PTPRF: variants seen among roughly 807,000 people sequenced by gnomAD.
PTPRF encodes receptor-type tyrosine-protein phosphatase F.
Under a neutral mutation model 201.8 loss-of-function variants are expected in PTPRF, and 59 were observed. The observed-to-expected ratio is 0.29, with a 90% CI of 0.24 to 0.36. The LOEUF (loss-of-function observed/expected upper bound fraction) is 0.36. PTPRF is among the 10% of genes least tolerant of loss of function. The probability of loss-of-function intolerance (pLI) is 1.00; values close to 1 mark genes in which losing one functional copy is unlikely to be tolerated. For missense variants in PTPRF, 2,132 were observed against 2,690.5 expected (o/e 0.79, Z 4.59); for synonymous variants, 1,088 against 1,089.7 (o/e 1.00, Z 0.03).
rs572007615 is a variant in PTPRF at position 43,613,364 on chromosome 1, G to T, written c.3974-254G>T. ...TCTTCCATCTTGAGAGACCTGCCAG[G>T]CAGGGCCTAGTGCCCCCACTCAGCA... On this transcript the variant is annotated intron_variant, in intron 22 of 33. Transcript: ENST00000359947. 268 of 454,238 alleles carry T rather than the reference G, an allele frequency of 5.9e-4. 1 individual carries two copies. The highest frequency in any genetic ancestry group is 5.0e-3 in the African/African-American group (253 of 50,404). The allele number at this position is 454,238 out of a possible 1,614,324, so 28.1% of individuals were successfully genotyped here. A position where few individuals can be genotyped will look rare whatever the true frequency, so the allele number is the denominator to read the frequency against.
At chr1:43,526,902 T>C (rs1570811603), upstream of PTPRF, among the ~76,000 whole-genome samples, 1 of 152,198 alleles carries the variant, frequency 6.6e-6, no homozygotes, top group African/African-American at 2.4e-5. Flanking sequence ...CACCTTTCTC[T>C]GCAAGGCTGT....
In PTPRF at chr1:43,617,551, T is replaced by C. The variant is rs776101253; in HGVS notation, c.4178T>C (p.Ile1393Thr). The C allele has an allele frequency of 6.8e-6, 11 of 1,614,008 alleles. No homozygotes were observed. The highest frequency in any genetic ancestry group is 8.5e-6 in the Non-Finnish European group (10 of 1,180,006). The change falls in exon 24 of 34, where the codon ATC becomes ACC. Residue 1393 changes from isoleucine (I) to threonine (T), a missense_variant. By Grantham distance (89) the Ile-to-Thr change is moderately conservative. Around this residue, in one of 6 missense-constraint regions of PTPRF, gnomAD observed 818 missense variants for 915.3 expected, o/e 0.89. Transcript: ENST00000359947. The stretch of plus-strand genomic sequence containing the variant: ...ATCGCCTACGACCACTCTCGAGTCA[T>C]CCTTACCTCTATCGATGGTGAGCCA... ...NVIAYDHSRV[I>T]LTSIDGVPGS...
At chr1:43,582,888 G>C (rs1166839049) in intron 7 of PTPRF, among the ~76,000 whole-genome samples, 6 of 152,246 alleles carry the variant, frequency 3.9e-5, no homozygotes, top group Non-Finnish European at 8.8e-5. Flanking sequence ...AGTCTTTTGT[G>C]AGTGATGTGG....
Position 43,618,723 on chromosome 1 carries a change from A to G in PTPRF, c.4465A>G (p.Thr1489Ala), listed in dbSNP as rs756825445. ...GGACACAGTGGAGCTGGCCACATAC[A>G]CTGTGCGCACCTTCGCACTCCACAA... ...LLDTVELATY[T>A]VRTFALHKSG... Residue 1489 changes from threonine to alanine, a missense_variant, in exon 26 of 34, where the codon ACT becomes GCT. Physicochemically the swap from Thr to Ala is moderately conservative, Grantham distance 58 (BLOSUM62 0). Around this residue, in one of 6 missense-constraint regions of PTPRF, gnomAD observed 519 missense variants for 659.5 expected, o/e 0.79. Coordinates refer to ENST00000359947, the MANE Select transcript of PTPRF (RefSeq NM_002840.5). The G allele has an allele frequency of 3.7e-6, 6 of 1,610,666 alleles. No individual in the cohort carries two copies. Among genetic ancestry groups the G allele is most frequent in the South Asian group, 1.1e-5 (1 of 90,962 alleles).
At chr1:43,555,668 A>T (rs948061838) in intron 5 of PTPRF, among the ~76,000 whole-genome samples, 2 of 151,530 alleles carry the variant, frequency 1.3e-5, no homozygotes, top group Non-Finnish European at 2.9e-5. Flanking sequence ...CTGGTCTGGA[A>T]CTCCTGACCT....
At chr1:43,596,958 T>C (rs796121353) in intron 11 of PTPRF, among the ~76,000 whole-genome samples, 9 of 152,260 alleles carry the variant, frequency 5.9e-5, no homozygotes, top group African/African-American at 2.2e-4. Context: ...TCTGTGTATA[T>C]GTGAGTCTGT....
chr1:43,558,915 C>G (rs1374956628), intron 5 of PTPRF, among the ~76,000 whole-genome samples: 2 of 152,144 alleles, frequency 1.3e-5, no homozygotes, highest in African/African-American at 4.8e-5. Flanking sequence ...CAGGAGGCCG[C>G]CAGACATTCA....
At chr1:43,615,950 G>T (rs1025258538) in intron 23 of PTPRF, among the ~76,000 whole-genome samples, 1 of 152,072 alleles carries the variant, frequency 6.6e-6, no homozygotes, top group Non-Finnish European at 1.5e-5. Context: ...GGAGACACAT[G>T]CCCTCAGGGA....
intron 5 of PTPRF, among the ~76,000 whole-genome samples, chr1:43,564,208 G>A (rs949733266): frequency 1.5e-4 from 23 of 152,294 alleles, no homozygotes; most frequent in Middle Eastern, 3.4e-3. Flanking sequence ...CCTGGGGGTG[G>A]GGCTGGGCTC....
chr1:43,577,173 G>T (rs901976923), intron 6 of PTPRF, among the ~76,000 whole-genome samples: 1 of 152,112 alleles, frequency 6.6e-6, no homozygotes, highest in African/African-American at 2.4e-5. Flanking sequence ...CAGCCACCAG[G>T]TCTCCCTCAC....
intron 2 of PTPRF, among the ~76,000 whole-genome samples, chr1:43,540,126 G>A (rs1320669917): frequency 6.6e-6 from 1 of 152,154 alleles, no homozygotes; most frequent in Non-Finnish European, 1.5e-5. Context: ...GGCAGGGCTT[G>A]TTATTGTAGG....
chr1:43,522,795 A>G (rs1469999940), upstream of PTPRF, among the ~76,000 whole-genome samples: 1 of 152,206 alleles, frequency 6.6e-6, no homozygotes, highest in East Asian at 1.9e-4. Context: ...GGACTGAACC[A>G]GAAGCGTTGT....
At position 43,613,177 on chromosome 1, in the gene PTPRF, A is replaced by G. The variant is rs928469156; in HGVS notation, c.3974-441A>G. 1.6e-5 allele frequency: 5 copies of G among 311,222 alleles called. No individual in the cohort carries two copies. In the Admixed American group the frequency reaches 1.8e-4, roughly 11 times the overall value. 19.3% of individuals were successfully genotyped at this position (311,222 alleles called of 1,614,324 possible). Reference sequence around the variant, plus strand: ...TACTTCATGACCACTCCATCTACACACTTGGTGCCCGGGATGACGATGGCT... The same window carrying G: ...TACTTCATGACCACTCCATCTACACGCTTGGTGCCCGGGATGACGATGGCT... On this transcript the variant is annotated intron_variant, in intron 22 of 33. Transcript: ENST00000359947.
chr1:43,616,516 G>T (rs1251548166), intron 23 of PTPRF, among the ~76,000 whole-genome samples: 4 of 151,852 alleles, frequency 2.6e-5, no homozygotes, highest in Non-Finnish European at 4.4e-5. Flanking sequence ...GGCAGTGGCA[G>T]CAGGTTGGAG....
chr1:43,544,454 C>T (rs1471124672), intron 2 of PTPRF, among the ~76,000 whole-genome samples: 2 of 152,184 alleles, frequency 1.3e-5, no homozygotes, highest in Non-Finnish European at 2.9e-5. Context: ...CTGTCTTCTG[C>T]TAACAAGCCT....
At chr1:43,618,533 GA>G (rs1222291441) in intron 25 of PTPRF, 96 bp from the exon 26 acceptor site, 33 of 1,441,668 alleles carry the variant, frequency 2.3e-5, no homozygotes, top group Non-Finnish European at 3.1e-5. Context: ...TTTGTAGCCA[GA>G]AAGGCTACAG....
chr1:43,553,580 C>G lies in PTPRF; in HGVS notation c.180C>G (p.Pro60=). 6.2e-7 allele frequency: 1 copy of G among 1,614,174 alleles called. No homozygotes were observed. Among genetic ancestry groups the G allele is most frequent in the African/African-American group, 1.3e-5 (1 of 75,038 alleles). The change falls in exon 4 of 34, where the codon CCC becomes CCG. Residue 60 remains proline, a synonymous_variant. Transcript: ENST00000359947. This position sits in a 1 kb window ranked among gnomAD's most constrained non-coding sequence, Gnocchi z 4.1. ...ASFVCQATGE[P]KPRITWMKKG... is the part of the protein sequence containing the mutation. ...TCGTGTGCCAAGCTACAGGAGAACC[C>G]AAGCCGCGCATCACATGGATGAAGA...
Position 43,619,369 on chromosome 1 carries a change from C to T in PTPRF, c.4728C>T (p.Ile1576=). 6.2e-7 allele frequency: 1 copy of T among 1,614,068 alleles called. No homozygotes were observed. Among genetic ancestry groups the T allele is most frequent in the Non-Finnish European group, 8.5e-7 (1 of 1,180,026 alleles). The change falls in exon 28 of 34, where the codon ATC becomes ATT. Residue 1576 remains isoleucine (I), a synonymous_variant. Transcript: ENST00000359947. ...ERMKHEKTVD[I]YGHVTCMRSQ... ...TGAAGCACGAGAAGACGGTGGACAT[C>T]TATGGCCACGTGACCTGCATGCGAT... is the stretch of plus-strand genomic sequence containing the variant.
In PTPRF at chr1:43,588,841, A is replaced by C. The variant is rs751403337; in HGVS notation, c.790A>C (p.Lys264Gln). 3 of 1,614,114 alleles carry C rather than the reference A, an allele frequency of 1.9e-6. No homozygotes were observed. Among genetic ancestry groups the C allele is most frequent in the African/African-American group, 1.3e-5 (1 of 75,048 alleles). The change falls in exon 8 of 34, where the codon AAG (lysine) becomes CAG (glutamine). Residue 264 changes from lysine to glutamine, a missense_variant. This residue lies in a region of PTPRF where 297 missense variants were observed against 454.0 expected (regional missense o/e 0.65). Coordinates refer to ENST00000359947, the MANE Select transcript of PTPRF (RefSeq NM_002840.5). This position sits in a 1 kb window ranked among gnomAD's most constrained non-coding sequence, Gnocchi z 5.3. ...AGTGGGTGCACCCATGCCCTACGTG[A>C]AGTGGATGATGGGGGCCGAGGAGCT... ...VAVGAPMPYV[K>Q]WMMGAEELTK...
Sources: allele counts gnomAD v4.1 joint callset (sites outside exome capture counted in the v4.1 genomes callset), GRCh38; gene constraint gnomAD v4.1.1; regional missense constraint gnomAD v4.1.1; non-coding constraint Gnocchi (gnomAD v3.1); transcripts MANE v1.5; gene names NCBI Gene and HGNC (gene_info 2026-07-23, HGNC 2026-07-21).